TAMM41: variants seen among roughly 807,000 people sequenced by gnomAD.
TAMM41 encodes the protein TAM41 mitochondrial translocator assembly and maintenance homolog, also known as phosphatidate cytidylyltransferase, mitochondrial.
In TAMM41, 36 loss-of-function variants were observed where a neutral mutation model predicts 44.1. The observed-to-expected ratio is 0.82, with a 90% confidence interval of 0.63 to 1.08. The LOEUF (loss-of-function observed/expected upper bound fraction) is 1.08. Among genes scored for constraint, TAMM41 ranks in the 50% least tolerant of loss-of-function variants. The pLI, the probability that TAMM41 is intolerant of heterozygous loss-of-function variation, is 0.00. For synonymous variants in TAMM41, 164 were observed against 153.1 expected, an observed-to-expected ratio of 1.07 and a Z score of -0.53; for missense variants, 417 against 404.3, an observed-to-expected ratio of 1.03 and a Z score of -0.27.
the TAMM41 span, among the ~76,000 whole-genome samples, chr3:11,785,324 GT>G: frequency 1.3e-5 from 2 of 151,802 alleles, no homozygotes; most frequent in African/African-American, 4.8e-5. Flanking sequence ...TCTGGTTTTT[GT>G]TTTTGTTTTG....
At chr3:11,727,695 G>C in the TAMM41 span, among the ~76,000 whole-genome samples, 1 of 151,814 alleles carries the variant, frequency 6.6e-6, no homozygotes, top group Non-Finnish European at 1.5e-5. Flanking sequence ...CAAACTTCTG[G>C]ACTCAAGTGA....
the TAMM41 span, among the ~76,000 whole-genome samples, chr3:11,757,173 C>T: frequency 1.3e-5 from 2 of 152,178 alleles, no homozygotes; most frequent in Non-Finnish European, 2.9e-5. Context: ...ATAGAAATTA[C>T]AGTCTTCATT....
At chr3:11,797,332 A>G in intron 7 of TAMM41, among the ~76,000 whole-genome samples, 1 of 152,188 alleles carries the variant, frequency 6.6e-6, no homozygotes, top group East Asian at 1.9e-4. Context: ...GAGAACCCGG[A>G]AATAAGGCTG....
the TAMM41 span, among the ~76,000 whole-genome samples, chr3:11,725,327 CCTTTTTTTCTTCTCCTCCTCCTCCTTT>C: frequency 0.011 from 1,501 of 135,810 alleles, 31 homozygotes; most frequent in African/African-American, 0.046. Flanking sequence ...TCCTCCTCCT[CCTTTTTTTCTTCTCCTCCTCCTCCTTT>C]TTTTTCTTCT....
chr3:11,807,923 C>A, intron 6 of TAMM41, 28 bp from the exon 7 acceptor site: 4 of 1,489,836 alleles, frequency 2.7e-6, no homozygotes, highest in East Asian at 2.5e-5. Flanking sequence ...AAAAGGAGAC[C>A]AAAAAAACCC....
chr3:11,793,083 A>G (rs35333177), intron 7 of TAMM41, among the ~76,000 whole-genome samples: 27,996 of 128,880 alleles, frequency 0.22, 3,564 homozygotes, highest in Admixed American at 0.28. Context: ...AAAAAAAAAA[A>G]AGAGAGTGAA....
At chr3:11,770,544 G>A in the TAMM41 span, among the ~76,000 whole-genome samples, 1 of 152,198 alleles carries the variant, frequency 6.6e-6, no homozygotes, top group Non-Finnish European at 1.5e-5. Context: ...GAAAGCTGTG[G>A]TTTCTTTGCT....
chr3:11,738,775 T>C, the TAMM41 span, among the ~76,000 whole-genome samples: 2 of 152,210 alleles, frequency 1.3e-5, no homozygotes, highest in East Asian at 3.8e-4. Context: ...GCAGGAGACA[T>C]GGCAGAAACG....
chr3:11,807,813 C>A lies in TAMM41; in HGVS notation c.937+20G>T. On this transcript the variant is annotated intron_variant, in intron 7 of 7. Coordinates refer to ENST00000455809, the MANE Select transcript of TAMM41 (RefSeq NM_001284401.2). ...ACTCAGTCAGCAGGTATGTTACACA[C>A]GGATTTCCAAAGCTCTTACCAGCAG... The A allele has an allele frequency of 6.5e-7, 1 of 1,536,106 alleles. No individual in the cohort carries two copies. Among genetic ancestry groups the A allele is most frequent in the Non-Finnish European group, 8.7e-7 (1 of 1,146,924 alleles).
the TAMM41 span, among the ~76,000 whole-genome samples, chr3:11,722,826 A>G: frequency 2.6e-5 from 4 of 152,208 alleles, no homozygotes; most frequent in Non-Finnish European, 5.9e-5. Flanking sequence ...AAAATTAGCC[A>G]GATGTGGTGG....
At chr3:11,817,413 C>G in intron 4 of TAMM41, 76 bp from the exon 5 acceptor site, 2 of 1,466,916 alleles carry the variant, frequency 1.4e-6, no homozygotes, top group Non-Finnish European at 1.9e-6. Flanking sequence ...GCTCCCCACA[C>G]TGATACCGCA....
At chr3:11,766,628 G>A in the TAMM41 span, among the ~76,000 whole-genome samples, 82 of 151,880 alleles carry the variant, frequency 5.4e-4, no homozygotes, top group East Asian at 7.4e-3. Flanking sequence ...AGTGTTGTGG[G>A]TACAAATGGC....
At chr3:11,729,521 CTTTCTTTTCTTTCTTTCATTTTTTTT>C in the TAMM41 span, among the ~76,000 whole-genome samples, 23 of 93,994 alleles carry the variant, frequency 2.4e-4, no homozygotes, top group African/African-American at 7.4e-4. Context: ...TTCTTTCTTT[CTTTCTTTTCTTTCTTTCATTTTTTTT>C]TTTTTTTTTT....
chr3:11,805,519 G>A (rs533986543), intron 7 of TAMM41, among the ~76,000 whole-genome samples: 9 of 152,164 alleles, frequency 5.9e-5, no homozygotes, highest in Admixed American at 1.3e-4. Context: ...CAATCCTCCC[G>A]CCCTGGCCTC....
chr3:11,773,600 A>T, the TAMM41 span, among the ~76,000 whole-genome samples: 1 of 152,212 alleles, frequency 6.6e-6, no homozygotes, highest in Non-Finnish European at 1.5e-5. Context: ...GCAGTAATGG[A>T]GACACTTGGA....
At chr3:11,765,198 T>C in the TAMM41 span, among the ~76,000 whole-genome samples, 3 of 152,322 alleles carry the variant, frequency 2.0e-5, no homozygotes, top group South Asian at 4.1e-4. Context: ...TACAAACCCA[T>C]GATCAAGTGG....
rs149804747 is a variant in TAMM41, at chr3:11,801,493, C to T, written c.937+6340G>A. On this transcript the variant is annotated intron_variant, in intron 7 of 7. Coordinates refer to ENST00000455809, the MANE Select transcript of TAMM41 (RefSeq NM_001284401.2). Reference sequence around the variant, plus strand: ...GCACATACCACCATGCACAGCTGCACAGCTAATTTTTTTGTAGAAATGGGG... The same window carrying T: ...GCACATACCACCATGCACAGCTGCATAGCTAATTTTTTTGTAGAAATGGGG... 2.6e-5 allele frequency among the ~76,000 whole-genome samples: 4 copies of T among 152,140 alleles called. No homozygotes were observed. In the East Asian group the frequency reaches 7.8e-4, roughly 30 times the overall value.
chr3:11,772,283 G>GT, the TAMM41 span, among the ~76,000 whole-genome samples: 1 of 144,276 alleles, frequency 6.9e-6, no homozygotes, highest in South Asian at 2.2e-4. Flanking sequence ...GGCTTTCACC[G>GT]TGTTAGCCAG....
At chr3:11,774,335 GC>G in the TAMM41 span, among the ~76,000 whole-genome samples, 9 of 152,144 alleles carry the variant, frequency 5.9e-5, no homozygotes, top group Non-Finnish European at 1.0e-4. Flanking sequence ...AAGGTGCTCT[GC>G]CCCTTTCTAT....
Sources: allele counts gnomAD v4.1 joint callset (sites outside exome capture counted in the v4.1 genomes callset), GRCh38; gene constraint gnomAD v4.1.1; transcripts MANE v1.5; gene names NCBI Gene and HGNC (gene_info 2026-07-23, HGNC 2026-07-21).